The following UCHL5 variants were observed in gnomAD, a reference collection of about 807,000 sequenced individuals.
UCHL5 encodes the protein ubiquitin C-terminal hydrolase L5.
In UCHL5, 34 loss-of-function variants were observed where a neutral mutation model predicts 53.8. That is an observed-to-expected ratio of 0.63 (90% CI 0.48 to 0.84). The LOEUF is 0.84. Ranked by LOEUF, UCHL5 falls within the 40% of genes least tolerant of loss-of-function variation. The probability of loss-of-function intolerance (pLI) is 0.00; values close to 1 mark genes in which losing one functional copy is unlikely to be tolerated. For synonymous variants in UCHL5, 111 were observed against 126.3 expected, an observed-to-expected ratio of 0.88 and a Z score of 0.81; for missense variants, 290 against 385.6, an observed-to-expected ratio of 0.75 and a Z score of 2.08.
chr1:193,024,540 G>T, intron 7 of UCHL5, among the ~76,000 whole-genome samples: 1 of 149,078 alleles, frequency 6.7e-6, no homozygotes, highest in Non-Finnish European at 1.5e-5. Context: ...AAGTCATGAT[G>T]AACTTTCTAT....
intron 1 of UCHL5, among the ~76,000 whole-genome samples, chr1:193,053,158 G>T (rs1057275329): frequency 6.6e-6 from 1 of 152,130 alleles, no homozygotes. Flanking sequence ...AACAGATTAA[G>T]AATAATAGAC....
intron 3 of UCHL5, among the ~76,000 whole-genome samples, chr1:193,035,807 T>C (rs1663162859): frequency 6.6e-6 from 1 of 151,994 alleles, no homozygotes; most frequent in African/African-American, 2.4e-5. Flanking sequence ...ACAGACAATA[T>C]AAGAAATACG....
At chr1:193,034,591 T>C (rs1043436110) in intron 3 of UCHL5, among the ~76,000 whole-genome samples, 6 of 152,106 alleles carry the variant, frequency 3.9e-5, no homozygotes, top group African/African-American at 1.4e-4. Context: ...CCAACTCATT[T>C]CATGAAGCCA....
intron 6 of UCHL5, among the ~76,000 whole-genome samples, chr1:193,028,398 T>G (rs1040128782): frequency 6.6e-6 from 1 of 152,178 alleles, no homozygotes; most frequent in African/African-American, 2.4e-5. Context: ...GTTCTACGCA[T>G]GGGGCATGGC....
At chr1:193,033,355 C>T (rs1571654505) in intron 3 of UCHL5, among the ~76,000 whole-genome samples, 2 of 152,074 alleles carry the variant, frequency 1.3e-5, no homozygotes, top group East Asian at 1.9e-4. Flanking sequence ...GGGAGGGGAA[C>T]ATCACACACC....
chr1:193,058,029 C>A (rs557250991), intron 1 of UCHL5, among the ~76,000 whole-genome samples: 1 of 152,126 alleles, frequency 6.6e-6, no homozygotes, highest in South Asian at 2.1e-4. Flanking sequence ...GGAGCTGAGA[C>A]CAGCCTGGCC....
At chr1:193,057,311 C>A in intron 1 of UCHL5, 1 of 165,650 alleles carries the variant, frequency 6.0e-6, no homozygotes, top group East Asian at 1.6e-4. Flanking sequence ...ACCACTCAAC[C>A]TCTACTGTAA....
intron 7 of UCHL5, chr1:193,027,776 T>C: frequency 7.1e-6 from 4 of 565,044 alleles, no homozygotes; most frequent in South Asian, 1.8e-5. Flanking sequence ...TACTACTACA[T>C]GAAATTTAGA....
At chr1:193,046,760 TAGTA>T (rs1157286132) in intron 3 of UCHL5, among the ~76,000 whole-genome samples, 1 of 149,704 alleles carries the variant, frequency 6.7e-6, no homozygotes, top group Non-Finnish European at 1.5e-5. Context: ...TAAAAGTACT[TAGTA>T]AGCTTTCAAT....
In UCHL5 at chr1:193,013,524, T is replaced by A. The variant is rs529722066; in HGVS notation, c.*2827A>T. ...TATGTGTACACATGAGGAAAAAGGATCACTAAATACATAAAATGTTAATGT... is the reference window on the plus strand; with the variant it reads ...TATGTGTACACATGAGGAAAAAGGAACACTAAATACATAAAATGTTAATGT... On this transcript the variant is annotated 3_prime_UTR_variant, in exon 11 of 11. Coordinates refer to ENST00000367454, the MANE Select transcript of UCHL5 (RefSeq NM_001199261.3). The A allele has an allele frequency of 5.9e-5, 9 of 152,214 alleles. No individual in the cohort carries two copies. The highest frequency in any genetic ancestry group is 2.6e-4 in the Admixed American group (4 of 15,280). 9.4% of individuals were successfully genotyped at this position (152,214 alleles called of 1,614,324 possible).
At chr1:193,030,463 G>A (rs1331681562) in intron 3 of UCHL5, among the ~76,000 whole-genome samples, 1 of 152,146 alleles carries the variant, frequency 6.6e-6, no homozygotes, top group African/African-American at 2.4e-5. Flanking sequence ...GGCTATCTCT[G>A]TACATACACG....
At chr1:193,031,689 C>T (rs917122440) in intron 3 of UCHL5, among the ~76,000 whole-genome samples, 3 of 152,286 alleles carry the variant, frequency 2.0e-5, no homozygotes, top group East Asian at 1.9e-4. Flanking sequence ...ATAATACTTA[C>T]TGAGCACCTA....
At chr1:193,019,398 A>T (rs1656065007) in intron 10 of UCHL5, among the ~76,000 whole-genome samples, 1 of 151,718 alleles carries the variant, frequency 6.6e-6, no homozygotes, top group Non-Finnish European at 1.5e-5. Context: ...TTTGATGAAT[A>T]ATTTAAAACA....
upstream of UCHL5, chr1:193,060,008 T>G (rs1672374298): frequency 7.3e-7 from 1 of 1,361,258 alleles, no homozygotes; most frequent in Non-Finnish European, 9.8e-7. Flanking sequence ...TTCCTCAGGG[T>G]GGGCCCTTTC....
At chr1:193,046,433 G>T (rs1052940793) in intron 3 of UCHL5, among the ~76,000 whole-genome samples, 1 of 151,822 alleles carries the variant, frequency 6.6e-6, no homozygotes, top group African/African-American at 2.4e-5. Context: ...ACTAAAGGAG[G>T]CAGTGTTGTG....
chr1:193,049,024 G>C (rs1668199118), intron 3 of UCHL5, among the ~76,000 whole-genome samples: 1 of 152,074 alleles, frequency 6.6e-6, no homozygotes, highest in Non-Finnish European at 1.5e-5. Flanking sequence ...AAGTAGCTGG[G>C]ACCACAGGCA....
chr1:193,025,291 T>C (rs1658750211), intron 7 of UCHL5, among the ~76,000 whole-genome samples: 1 of 152,180 alleles, frequency 6.6e-6, no homozygotes. Flanking sequence ...TCAAAACCAG[T>C]AAAAGCAGAA....
At chr1:193,055,826 A>C (rs1670456155) in intron 1 of UCHL5, among the ~76,000 whole-genome samples, 1 of 152,230 alleles carries the variant, frequency 6.6e-6, no homozygotes, top group Non-Finnish European at 1.5e-5. Flanking sequence ...TTAATGATGG[A>C]TATAGGTCTG....
intron 3 of UCHL5, among the ~76,000 whole-genome samples, chr1:193,045,719 A>T (rs1245792760): frequency 6.6e-6 from 1 of 152,244 alleles, no homozygotes; most frequent in African/African-American, 2.4e-5. Context: ...ATGGGAAAAA[A>T]ATCTGTAAAA....
Sources: gnomAD v4.1 joint callset for allele counts (sites outside exome capture counted in the v4.1 genomes callset) on GRCh38, gnomAD v4.1.1 for gene constraint, MANE v1.5 for transcripts, NCBI Gene and HGNC (gene_info 2026-07-23, HGNC 2026-07-21) for gene names.